Variants in ABCB7 observed in about 807,000 individuals in gnomAD.
ABCB7 encodes iron-sulfur clusters transporter ABCB7, mitochondrial.
Under a neutral mutation model 54.4 loss-of-function variants are expected in ABCB7, and 7 were observed. The ratio of observed to expected loss-of-function variants is 0.13; its 90% CI spans 0.07 to 0.24. The LOEUF (loss-of-function observed/expected upper bound fraction) is 0.24, where lower values mean the gene tolerates loss of function less well. Among genes scored for constraint, ABCB7 ranks in the 10% least tolerant of loss-of-function variants. The pLI is 1.00. For synonymous variants in ABCB7, 218 were observed against 207.1 expected (o/e 1.05, Z -0.45); for missense variants, 356 against 570.4 (o/e 0.62, Z 3.83).
Position 75,075,738 on chromosome X carries a change from A to G in ABCB7, c.587-108T>C, listed in dbSNP as rs187322098. 8.2e-4 allele frequency: 612 copies of G among 747,869 alleles called. 3 individuals are homozygous for G. The African/African-American group carries it at 0.012, about 14-fold the overall frequency. The allele number at this position is 747,869 out of a possible 1,213,427, so 61.6% of individuals were successfully genotyped here. ...GTTTGTACAATGAGTAATTCAGTGA[A>G]TGAATATATCACAGAATATTTACAA... On this transcript the variant is annotated intron_variant, in intron 5 of 15. Coordinates refer to ENST00000373394, the MANE Select transcript of ABCB7 (RefSeq NM_001271696.3).
At chrX:75,132,036 C>T (rs1457018896) in intron 1 of ABCB7, among the ~76,000 whole-genome samples, 3 of 111,765 alleles carry the variant, frequency 2.7e-5, no homozygotes, top group Non-Finnish European at 5.7e-5. Flanking sequence ...CCCTCCTCTT[C>T]ACCAGGCAGG....
intron 1 of ABCB7, among the ~76,000 whole-genome samples, chrX:75,151,822 C>T (rs934021357): frequency 8.9e-6 from 1 of 111,849 alleles, no homozygotes; most frequent in African/African-American, 3.2e-5. Flanking sequence ...AGTGTTCATC[C>T]CACAATACCA....
chrX:75,117,162 C>A (rs1204466474), intron 1 of ABCB7, among the ~76,000 whole-genome samples: 8 of 110,948 alleles, frequency 7.2e-5, no homozygotes, highest in Admixed American at 3.8e-4. Flanking sequence ...GCATGAGATC[C>A]AAGAACCCTC....
Position 75,112,931 on chromosome X carries a change from C to G in ABCB7, c.288G>C (p.Trp96Cys). The change falls in exon 3 of 16, where the codon TGG becomes TGC. Residue 96 changes from tryptophan to cysteine, a missense_variant. Coordinates refer to ENST00000373394, the MANE Select transcript of ABCB7 (RefSeq NM_001271696.3). ...GGAGTCCTCCTCCTGCATGACCATG[C>G]CAACATGTCCTCTTTTCTATCAGTG... ...VWPLIEKRTC[W>C]HGHAGGGLHT... The G allele has an allele frequency of 1.7e-6, 2 of 1,210,795 alleles. No individual in the cohort carries two copies. Among genetic ancestry groups the G allele is most frequent in the East Asian group, 3.0e-5 (1 of 33,784 alleles).
rs1377368094 is a variant in ABCB7 at position 75,051,706 on chromosome X, T to C, written c.*1664A>G. The C allele has an allele frequency of 4.4e-5, 5 of 112,571 alleles. No homozygotes were observed. The highest frequency in any genetic ancestry group is 9.4e-5 in the Admixed American group (1 of 10,659). The allele number at this position is 112,571 out of a possible 1,213,427, so 9.3% of individuals were successfully genotyped here. A position where few individuals can be genotyped will look rare whatever the true frequency, so the allele number is the denominator to read the frequency against. On this transcript the variant is annotated 3_prime_UTR_variant, in exon 16 of 16. Coordinates refer to ENST00000373394, the MANE Select transcript of ABCB7 (RefSeq NM_001271696.3). ...TACTGAAAAGTAAGGGAAGATCTTT[T>C]AATAAATTCTGAAGTGTCAACACAG...
chrX:75,135,409 G>T (rs1350125427), intron 1 of ABCB7, among the ~76,000 whole-genome samples: 2 of 111,196 alleles, frequency 1.8e-5, no homozygotes, highest in Non-Finnish European at 3.8e-5. Flanking sequence ...AGAAGAGCTG[G>T]TACCAATCCC....
chrX:75,094,181 AATT>A (rs1489051853), intron 4 of ABCB7, among the ~76,000 whole-genome samples: 1 of 108,294 alleles, frequency 9.2e-6, no homozygotes, highest in Non-Finnish European at 1.9e-5. Flanking sequence ...TCTCCCTTGA[AATT>A]ATTATAATTG....
In ABCB7 at chrX:75,071,662, C is replaced by T; in HGVS notation, c.1054G>A (p.Glu352Lys). The change falls in exon 9 of 16, where the codon GAA becomes AAA. Residue 352 changes from glutamate to lysine, a missense_variant. Physicochemically the swap from Glu to Lys is moderately conservative, Grantham distance 56 (BLOSUM62 1). This residue lies in a region of ABCB7 where 241 missense variants were observed against 470.9 expected (regional missense o/e 0.51). Coordinates refer to ENST00000373394, the MANE Select transcript of ABCB7 (RefSeq NM_001271696.3). The stretch of plus-strand genomic sequence containing the variant: ...AAAAATCCATCATATCTCTGTGCTT[C>T]ATATCTTTCATTATTAAAATACTAC... ...TVKYFNNERYEAQRYDGFLKT... is the reference protein window; with the variant it reads ...TVKYFNNERYKAQRYDGFLKT... The T allele has an allele frequency of 8.5e-7, 1 of 1,175,843 alleles. No homozygotes were observed. The highest frequency in any genetic ancestry group is 1.2e-6 in the Non-Finnish European group (1 of 865,810).
chrX:75,123,242 G>C (rs1445314513), intron 1 of ABCB7, among the ~76,000 whole-genome samples: 1 of 111,345 alleles, frequency 9.0e-6, no homozygotes, highest in African/African-American at 3.3e-5. Context: ...TCATTCTTTT[G>C]CATGTGGATA....
In ABCB7 at chrX:75,051,305, C is replaced by G. The variant is rs6647083; in HGVS notation, c.*2065G>C. Reference sequence around the variant, plus strand: ...ACCTTTATATAGCAAGAGTGGACACCTAAGTTAGATAAGTTCAGCTATCCA... The same window carrying G: ...ACCTTTATATAGCAAGAGTGGACACGTAAGTTAGATAAGTTCAGCTATCCA... On this transcript the variant is annotated 3_prime_UTR_variant, in exon 16 of 16. Coordinates refer to ENST00000373394, the MANE Select transcript of ABCB7 (RefSeq NM_001271696.3). 9.0e-6 allele frequency among the ~76,000 whole-genome samples: 1 copy of G among 111,141 alleles called. No individual in the cohort carries two copies. Among genetic ancestry groups the G allele is most frequent in the Admixed American group, 9.6e-5 (1 of 10,459 alleles).
chrX:75,117,518 G>A (rs1362325566), intron 1 of ABCB7, among the ~76,000 whole-genome samples: 2 of 110,921 alleles, frequency 1.8e-5, no homozygotes, highest in Admixed American at 9.6e-5. Flanking sequence ...CCTTGGGTTC[G>A]AGGCCCAACT....
intron 4 of ABCB7, among the ~76,000 whole-genome samples, chrX:75,079,374 T>C (rs185626781): frequency 9.8e-5 from 11 of 112,527 alleles, no homozygotes; most frequent in South Asian, 7.4e-4. Context: ...ACATGTAGTG[T>C]TAAGTTTTAT....
At chrX:75,101,589 T>G (rs1464526025) in intron 3 of ABCB7, among the ~76,000 whole-genome samples, 1 of 111,546 alleles carries the variant, frequency 9.0e-6, no homozygotes, top group Non-Finnish European at 1.9e-5. Context: ...TTTAAGGCAG[T>G]AATTTTAAAA....
In ABCB7 at chrX:75,075,367, C is replaced by T. The variant is rs374283694; in HGVS notation, c.850G>A (p.Val284Ile). 19 of 1,208,849 alleles carry T rather than the reference C, an allele frequency of 1.6e-5. No individual in the cohort carries two copies. The African/African-American group carries it at 3.2e-4, about 20-fold the overall frequency. ...IMFEVMLVSG[V>I]LYYKCGAQFA... is the part of the protein sequence containing the mutation. Reference sequence around the variant, plus strand: ...ATGAAAAATGTTTAACTTACCAAAACACCACTGACAAGCATCACTTCAAAC... The same window carrying T: ...ATGAAAAATGTTTAACTTACCAAAATACCACTGACAAGCATCACTTCAAAC... The change falls in exon 6 of 16, where the codon GTT becomes ATT. Residue 284 changes from valine (V) to isoleucine (I), a missense_variant. Physicochemically the swap from Val to Ile is conservative, Grantham distance 29 (BLOSUM62 3). Coordinates refer to ENST00000373394, the MANE Select transcript of ABCB7 (RefSeq NM_001271696.3).
intron 1 of ABCB7, among the ~76,000 whole-genome samples, chrX:75,144,257 C>T (rs2082076003): frequency 8.9e-6 from 1 of 111,902 alleles, no homozygotes; most frequent in African/African-American, 3.2e-5. Context: ...TCTAGAATGG[C>T]CATGTACAAG....
intron 3 of ABCB7, among the ~76,000 whole-genome samples, chrX:75,106,406 G>T (rs776522907): frequency 1.8e-5 from 2 of 111,970 alleles, no homozygotes; most frequent in Non-Finnish European, 3.8e-5. Flanking sequence ...AAACCACAAT[G>T]AGATTCCATC....
intron 1 of ABCB7, among the ~76,000 whole-genome samples, chrX:75,115,789 G>T (rs187360908): frequency 1.8e-4 from 19 of 107,387 alleles, no homozygotes; most frequent in South Asian, 4.3e-4. Context: ...TGTGTGTTGG[G>T]GGGGGGGGCA....
chrX:75,068,096 A>G (rs776150854), intron 12 of ABCB7, among the ~76,000 whole-genome samples: 1 of 111,346 alleles, frequency 9.0e-6, no homozygotes, highest in Admixed American at 9.5e-5. Context: ...CAGTTACCCA[A>G]TAATTTCTCT....
rs774686319 is a variant in ABCB7, at chrX:75,156,018, C to G, written c.168+87G>C. The G allele has an allele frequency of 4.7e-6, 5 of 1,062,003 alleles. No homozygotes were observed. In the East Asian group the frequency reaches 1.3e-4, roughly 27 times the overall value. The allele number at this position is 1,062,003 out of a possible 1,213,427, so 87.5% of individuals were successfully genotyped here. A position where few individuals can be genotyped will look rare whatever the true frequency, so the allele number is the denominator to read the frequency against. On this transcript the variant is annotated intron_variant, in intron 1 of 15. Coordinates refer to ENST00000373394, the MANE Select transcript of ABCB7 (RefSeq NM_001271696.3). ...TAGCCATGACTTTCTTCTTGGTGCT[C>G]TCTCTGCCCCGAGGTCAGGAGGGCA...
Sources: gnomAD v4.1 joint callset for allele counts (sites outside exome capture counted in the v4.1 genomes callset) on GRCh38, gnomAD v4.1.1 for gene constraint, gnomAD v4.1.1 regional missense constraint, MANE v1.5 for transcripts, NCBI Gene and HGNC (gene_info 2026-07-23, HGNC 2026-07-21) for gene names.